KSR2: variants seen among roughly 807,000 people sequenced by gnomAD.
The protein encoded by KSR2 is kinase suppressor of ras 2.
A neutral mutation model predicts 107.8 loss-of-function variants in KSR2; 25 were observed. That is an observed-to-expected ratio of 0.23 (90% CI 0.17 to 0.32). KSR2 has a LOEUF of 0.32. Ranked by LOEUF, KSR2 falls within the 10% of genes least tolerant of loss-of-function variation. The probability of loss-of-function intolerance (pLI) is 1.00; values close to 1 mark genes in which losing one functional copy is unlikely to be tolerated. For synonymous variants in KSR2, 480 were observed against 507.0 expected (o/e 0.95, Z 0.71); for missense variants, 887 against 1,268.9 (o/e 0.70, Z 4.57).
At chr12:117,966,649 G>GCACACACACACA (rs1566104140) in intron 1 of KSR2, among the ~76,000 whole-genome samples, 1 of 74,732 alleles carries the variant, frequency 1.3e-5, no homozygotes, top group Non-Finnish European at 3.3e-5. Flanking sequence ...ACACACACAT[G>GCACACACACACA]CTGTCTCTCT....
intron 1 of KSR2, among the ~76,000 whole-genome samples, chr12:117,956,777 T>G (rs903979107): frequency 1.3e-5 from 2 of 152,082 alleles, no homozygotes; most frequent in African/African-American, 4.8e-5. Flanking sequence ...AAAAAATTTT[T>G]TTTAATTTTT....
At chr12:117,683,063 G>A (rs1885435925) in intron 4 of KSR2, among the ~76,000 whole-genome samples, 1 of 152,064 alleles carries the variant, frequency 6.6e-6, no homozygotes, top group South Asian at 2.1e-4. Context: ...GACAGGCAAG[G>A]GGCAGTTGGC....
At chr12:117,480,727 G>C (rs7976291) in intron 16 of KSR2, among the ~76,000 whole-genome samples, 18,185 of 152,082 alleles carry the variant, frequency 0.12, 2,138 homozygotes, top group African/African-American at 0.31. Context: ...ATCCCACTTA[G>C]ACCTCATAAG....
intron 3 of KSR2, among the ~76,000 whole-genome samples, chr12:117,836,520 A>G (rs928487987): frequency 6.6e-6 from 1 of 152,132 alleles, no homozygotes; most frequent in African/African-American, 2.4e-5. Context: ...CTTAAACATC[A>G]CAACACTAAA....
intron 4 of KSR2, among the ~76,000 whole-genome samples, chr12:117,708,107 A>G (rs184643596): frequency 2.7e-3 from 408 of 152,366 alleles, no homozygotes; most frequent in Non-Finnish European, 4.3e-3. Flanking sequence ...TTTCAAAATT[A>G]ACATAGTGAC....
At chr12:117,864,749 C>T (rs1286471191) in intron 1 of KSR2, among the ~76,000 whole-genome samples, 1 of 152,196 alleles carries the variant, frequency 6.6e-6, no homozygotes, top group Non-Finnish European at 1.5e-5. Flanking sequence ...TAGCATTCTC[C>T]CTGTATGTGT....
chr12:117,923,367 AG>A (rs1895403926), intron 1 of KSR2, among the ~76,000 whole-genome samples: 1 of 152,222 alleles, frequency 6.6e-6, no homozygotes, highest in Admixed American at 6.5e-5. Flanking sequence ...TCGTTAACTC[AG>A]GATTCAGGAA....
intron 19 of KSR2, among the ~76,000 whole-genome samples, chr12:117,469,265 G>T (rs1696022210): frequency 6.6e-6 from 1 of 152,164 alleles, no homozygotes; most frequent in Non-Finnish European, 1.5e-5. Context: ...CCATGACAGG[G>T]GCAGGCTGCT....
intron 14 of KSR2, among the ~76,000 whole-genome samples, chr12:117,524,421 T>G (rs564188954): frequency 5.9e-5 from 9 of 152,258 alleles, no homozygotes; most frequent in Admixed American, 3.3e-4. Flanking sequence ...ATCCCAGCAG[T>G]CTGGGAGGTC....
At chr12:117,474,960 C>T (rs1871682983) in intron 17 of KSR2, among the ~76,000 whole-genome samples, 1 of 152,134 alleles carries the variant, frequency 6.6e-6, no homozygotes, top group Non-Finnish European at 1.5e-5. Context: ...CTTAAGGCAG[C>T]TATCTAGGCA....
chr12:117,794,511 GCACA>G (rs772689281), intron 3 of KSR2, among the ~76,000 whole-genome samples: 1 of 96,168 alleles, frequency 1.0e-5, no homozygotes, highest in Non-Finnish European at 1.9e-5. Flanking sequence ...CACACAACAT[GCACA>G]CACACCAACA....
intron 1 of KSR2, among the ~76,000 whole-genome samples, chr12:117,958,453 G>A (rs1896574771): frequency 6.6e-6 from 1 of 152,154 alleles, no homozygotes; most frequent in Non-Finnish European, 1.5e-5. Context: ...TTAGCCACAA[G>A]GACGTCCACT....
At chr12:117,766,159 T>C (rs1418471733) in intron 3 of KSR2, among the ~76,000 whole-genome samples, 1 of 152,162 alleles carries the variant, frequency 6.6e-6, no homozygotes, top group Non-Finnish European at 1.5e-5. Context: ...CAAGTGTCCA[T>C]CAACTAAGGA....
intron 14 of KSR2, among the ~76,000 whole-genome samples, chr12:117,515,903 G>A (rs2137211100): frequency 6.6e-6 from 1 of 152,344 alleles, no homozygotes; most frequent in Non-Finnish European, 1.5e-5. Context: ...TCCAGCCTGG[G>A]TGACAGACCA....
intron 1 of KSR2, among the ~76,000 whole-genome samples, chr12:117,892,117 G>C (rs1894364860): frequency 6.6e-6 from 1 of 152,152 alleles, no homozygotes; most frequent in African/African-American, 2.4e-5. Context: ...TGGCTAACAT[G>C]ATGAAACCCC....
At chr12:117,807,462 C>A (rs959803779) in intron 3 of KSR2, among the ~76,000 whole-genome samples, 2 of 152,206 alleles carry the variant, frequency 1.3e-5, no homozygotes, top group African/African-American at 4.8e-5. Flanking sequence ...GAAAGAGAGA[C>A]CCAATGCTCT....
At chr12:117,653,998 G>A (rs1884014788) in intron 5 of KSR2, among the ~76,000 whole-genome samples, 1 of 152,192 alleles carries the variant, frequency 6.6e-6, no homozygotes, top group African/African-American at 2.4e-5. Flanking sequence ...TCCCATAGGT[G>A]AATCACAGCA....
At chr12:117,859,320 A>T (rs1027353198) in intron 2 of KSR2, among the ~76,000 whole-genome samples, 4 of 151,438 alleles carry the variant, frequency 2.6e-5, no homozygotes, top group Non-Finnish European at 5.9e-5. Flanking sequence ...TAATTTTTGT[A>T]CTTTCAGTAG....
intron 8 of KSR2, 53 bp downstream of exon 8, chr12:117,558,453 G>A: frequency 2.8e-6 from 4 of 1,453,918 alleles, no homozygotes; most frequent in East Asian, 2.3e-5. Context: ...TGGGGGACCT[G>A]CAGGAGCCCC....
Sources: allele counts gnomAD v4.1 joint callset (sites outside exome capture counted in the v4.1 genomes callset), GRCh38; gene constraint gnomAD v4.1.1; transcripts MANE v1.5; gene names NCBI Gene and HGNC (gene_info 2026-07-23, HGNC 2026-07-21).